The following TRPC4 variants were observed in gnomAD, a reference collection of about 807,000 sequenced individuals.
TRPC4 encodes transient receptor potential cation channel subfamily C member 4.
Under a neutral mutation model 99.4 loss-of-function variants are expected in TRPC4, and 49 were observed. The observed-to-expected ratio is 0.49, with a 90% CI of 0.39 to 0.63. The LOEUF is 0.63. TRPC4 is among the 20% of genes least tolerant of loss of function. The probability of loss-of-function intolerance (pLI) is 0.00; values close to 1 mark genes in which losing one functional copy is unlikely to be tolerated. For synonymous variants in TRPC4, 454 were observed against 425.9 expected (o/e 1.07, Z -0.81); for missense variants, 898 against 1,152.9 (o/e 0.78, Z 3.20).
At chr13:37,745,469 TATATAC>T (rs1158407718) in intron 3 of TRPC4, among the ~76,000 whole-genome samples, 37 of 9,014 alleles carry the variant, frequency 4.1e-3, no homozygotes, top group African/African-American at 7.2e-3. Context: ...TATATATATA[TATATAC>T]ACACACACAC....
At chr13:37,713,165 T>C (rs976394573) in intron 3 of TRPC4, among the ~76,000 whole-genome samples, 4 of 152,160 alleles carry the variant, frequency 2.6e-5, no homozygotes, top group African/African-American at 4.8e-5. Context: ...TAGCTCCTTA[T>C]AGATGTGGTA....
intron 3 of TRPC4, among the ~76,000 whole-genome samples, chr13:37,700,236 A>C (rs1175149779): frequency 2.0e-5 from 3 of 152,198 alleles, no homozygotes; most frequent in Non-Finnish European, 4.4e-5. Context: ...TGGAGGCAGA[A>C]AATTATACAG....
At chr13:37,807,201 T>C (rs1957549082) in intron 1 of TRPC4, among the ~76,000 whole-genome samples, 1 of 152,052 alleles carries the variant, frequency 6.6e-6, no homozygotes, top group South Asian at 2.1e-4. Flanking sequence ...ATGTTTATGA[T>C]ATGATATAAT....
At chr13:37,801,815 G>A (rs1957410874) in intron 1 of TRPC4, among the ~76,000 whole-genome samples, 1 of 150,934 alleles carries the variant, frequency 6.6e-6, no homozygotes, top group Non-Finnish European at 1.5e-5. Flanking sequence ...TCACAGATAG[G>A]TAACATTTGA....
chr13:37,817,404 G>A (rs770220326), intron 1 of TRPC4, among the ~76,000 whole-genome samples: 7 of 151,998 alleles, frequency 4.6e-5, no homozygotes, highest in Non-Finnish European at 2.9e-5. Context: ...AACATTCCAT[G>A]TTCATGGATA....
At chr13:37,708,396 C>T (rs1475440338) in intron 3 of TRPC4, among the ~76,000 whole-genome samples, 1 of 152,056 alleles carries the variant, frequency 6.6e-6, no homozygotes, top group Non-Finnish European at 1.5e-5. Context: ...GTGCATCATA[C>T]ATATGCTAAA....
intron 2 of TRPC4, among the ~76,000 whole-genome samples, chr13:37,758,733 T>G (rs1437735315): frequency 6.6e-6 from 1 of 151,610 alleles, no homozygotes; most frequent in Non-Finnish European, 1.5e-5. Flanking sequence ...ATACAAGTTA[T>G]TAACAGAGCT....
intron 1 of TRPC4, among the ~76,000 whole-genome samples, chr13:37,864,479 A>G (rs1174243865): frequency 6.6e-6 from 1 of 151,760 alleles, no homozygotes; most frequent in African/African-American, 2.4e-5. Context: ...GTATAAGTGC[A>G]ACATTATCAC....
At chr13:37,661,258 C>T (rs1432841882) in intron 6 of TRPC4, among the ~76,000 whole-genome samples, 1 of 152,132 alleles carries the variant, frequency 6.6e-6, no homozygotes, top group East Asian at 1.9e-4. Flanking sequence ...TTACATCATG[C>T]TTGTCTGGCC....
At chr13:37,653,362 T>C (rs12584619) in intron 7 of TRPC4, among the ~76,000 whole-genome samples, 1 of 151,524 alleles carries the variant, frequency 6.6e-6, no homozygotes, top group East Asian at 1.9e-4. Flanking sequence ...TTTTTCATGG[T>C]TTACCGATGG....
rs1956893621 is a variant in TRPC4, at chr13:37,783,374, CA to C, written c.-27-15del. On this transcript the variant is annotated splice_polypyrimidine_tract_variant and intron_variant, in intron 1 of 10. Transcript: ENST00000379705. ...ATTTCTTCGTCTCTGAAAGTAGAAA[CA>C]AAAAACACAAAGATTAGTGTTAATA... The C allele has an allele frequency of 6.7e-7, 1 of 1,495,550 alleles. No individual in the cohort carries two copies. Among genetic ancestry groups the C allele is most frequent in the Non-Finnish European group, 8.9e-7 (1 of 1,123,990 alleles). The allele number at this position is 1,495,550 out of a possible 1,614,324, so 92.6% of individuals were successfully genotyped here.
At chr13:37,658,655 GC>G (rs1231498495) in intron 6 of TRPC4, among the ~76,000 whole-genome samples, 1 of 152,166 alleles carries the variant, frequency 6.6e-6, no homozygotes, top group African/African-American at 2.4e-5. Context: ...CAAAGCCTGT[GC>G]CCCTCTCTTC....
Position 37,633,759 on chromosome 13 carries a change from A to G in TRPC4, c.*3144T>C, listed in dbSNP as rs1566053226. 6.6e-6 allele frequency among the ~76,000 whole-genome samples: 1 copy of G among 152,160 alleles called. No homozygotes were observed. Among genetic ancestry groups the G allele is most frequent in the Non-Finnish European group, 1.5e-5 (1 of 68,000 alleles). ...TAATTTAAGAAAATTTGATATACAA[A>G]TATTCAATTCATGAAACAGATACAT... On this transcript the variant is annotated 3_prime_UTR_variant, in exon 11 of 11. Transcript: ENST00000379705.
chr13:37,639,970 G>C (rs919186013), intron 8 of TRPC4, among the ~76,000 whole-genome samples: 1 of 151,854 alleles, frequency 6.6e-6, no homozygotes, highest in African/African-American at 2.4e-5. Flanking sequence ...TGGGATTGTA[G>C]AATAGAGAGA....
Position 37,636,383 on chromosome 13 carries a change from G to T in TRPC4, c.*520C>A, listed in dbSNP as rs1266774161. Among the ~76,000 whole-genome samples the T allele has an allele frequency of 6.6e-6, 1 of 152,060 alleles. No individual in the cohort carries two copies. The highest frequency in any genetic ancestry group is 1.5e-5 in the Non-Finnish European group (1 of 68,004). ...CATGAGAAGAAGACTTGTTTGCTTTGTGTACAATAATTATTTACATGTCGT... is the reference window on the plus strand; with the variant it reads ...CATGAGAAGAAGACTTGTTTGCTTTTTGTACAATAATTATTTACATGTCGT... On this transcript the variant is annotated 3_prime_UTR_variant, in exon 11 of 11. Transcript: ENST00000379705.
intron 2 of TRPC4, among the ~76,000 whole-genome samples, chr13:37,753,822 T>A (rs762070105): frequency 2.6e-5 from 4 of 152,136 alleles, no homozygotes; most frequent in Non-Finnish European, 5.9e-5. Flanking sequence ...GGAAAGGCAC[T>A]TTCAGAGAAC....
At chr13:37,696,461 CA>C (rs1566103822) in intron 3 of TRPC4, among the ~76,000 whole-genome samples, 1 of 152,148 alleles carries the variant, frequency 6.6e-6, no homozygotes, top group Non-Finnish European at 1.5e-5. Context: ...TTCATCTTTT[CA>C]GTTTTTCAAC....
rs1013314746 is a variant in TRPC4 at position 37,633,756 on chromosome 13, C to A, written c.*3147G>T. Reference sequence around the variant, plus strand: ...AACTAATTTAAGAAAATTTGATATACAAATATTCAATTCATGAAACAGATA... The same window carrying A: ...AACTAATTTAAGAAAATTTGATATAAAAATATTCAATTCATGAAACAGATA... On this transcript the variant is annotated 3_prime_UTR_variant, in exon 11 of 11. Coordinates refer to ENST00000379705, the MANE Select transcript of TRPC4 (RefSeq NM_016179.4). 6.6e-6 allele frequency among the ~76,000 whole-genome samples: 1 copy of A among 151,946 alleles called. No homozygotes were observed. Among genetic ancestry groups the A allele is most frequent in the Non-Finnish European group, 1.5e-5 (1 of 67,960 alleles).
rs753497592 is a variant in TRPC4 at position 37,633,376 on chromosome 13, A to C, written c.*3527T>G. ...TGGAAGGCAGCTGTATACACCATAG[A>C]AGACAGCTAAAAATACAATGCATGA... On this transcript the variant is annotated 3_prime_UTR_variant, in exon 11 of 11. Transcript: ENST00000379705. Among the ~76,000 whole-genome samples the C allele has an allele frequency of 2.6e-5, 4 of 152,138 alleles. No homozygotes were observed. The highest frequency in any genetic ancestry group is 5.9e-5 in the Non-Finnish European group (4 of 68,026).
Sources: allele counts gnomAD v4.1 joint callset (sites outside exome capture counted in the v4.1 genomes callset), GRCh38; gene constraint gnomAD v4.1.1; transcripts MANE v1.5; gene names NCBI Gene and HGNC (gene_info 2026-07-23, HGNC 2026-07-21).